Variants in NCOR1 observed in about 807,000 individuals in gnomAD.
NCOR1 encodes the protein nuclear receptor corepressor 1, also known as protein phosphatase 1, regulatory subunit 109.
In NCOR1, 63 loss-of-function variants were observed where a neutral mutation model predicts 288.1. The observed-to-expected ratio is 0.22, with a 90% CI of 0.18 to 0.27. NCOR1 has a LOEUF of 0.27. Among genes scored for constraint, NCOR1 ranks in the 10% least tolerant of loss-of-function variants. The pLI, the probability that NCOR1 is intolerant of heterozygous loss-of-function variation, is 1.00. For missense variants in NCOR1, 2,397 were observed against 3,019.2 expected (o/e 0.79, Z 4.83); for synonymous variants, 1,007 against 1,065.9 (o/e 0.94, Z 1.08).
At chr17:16,040,681 T>C (rs760975175) in intron 42 of NCOR1, 187 bp from the exon 43 acceptor site, 1 of 623,558 alleles carries the variant, frequency 1.6e-6, no homozygotes, top group South Asian at 1.6e-5. Flanking sequence ...CTCACTCTGT[T>C]GCCCAGGCTA....
At chr17:16,036,732 G>A (rs1298231235) in intron 44 of NCOR1, among the ~76,000 whole-genome samples, 1 of 152,204 alleles carries the variant, frequency 6.6e-6, no homozygotes. Context: ...TCAGAGAATT[G>A]AAGAGTTAGG....
intron 41 of NCOR1, 79 bp from the exon 42 acceptor site, chr17:16,047,172 C>T: frequency 3.5e-6 from 5 of 1,427,666 alleles, no homozygotes; most frequent in Non-Finnish European, 3.8e-6. Flanking sequence ...TAACAACAGT[C>T]AGAGAGTACT....
intron 16 of NCOR1, 69 bp from the exon 17 acceptor site, chr17:16,119,554 ATAAT>A: frequency 1.9e-6 from 2 of 1,040,482 alleles, no homozygotes; most frequent in Non-Finnish European, 2.9e-6. Context: ...AACCAATCAT[ATAAT>A]TATATCTCTT....
At chr17:16,117,831 C>A in intron 18 of NCOR1, 57 bp downstream of exon 18, 1 of 1,559,760 alleles carries the variant, frequency 6.4e-7, no homozygotes, top group Non-Finnish European at 8.7e-7. Flanking sequence ...CAAACAACAA[C>A]AACAACACTC....
rs2065256225 is a variant in NCOR1 at position 16,092,070 on chromosome 17, A to T, written c.2821-12T>A. 1 of 1,610,844 alleles carries T rather than the reference A, an allele frequency of 6.2e-7. No individual in the cohort carries two copies. Among genetic ancestry groups the T allele is most frequent in the Admixed American group, 1.7e-5 (1 of 60,004 alleles). On this transcript the variant is annotated splice_polypyrimidine_tract_variant and intron_variant, in intron 21 of 45. Transcript: ENST00000268712. ...GGGGTGCAGGATACCTATAGGAAGA[A>T]AATAAATCGAAATATGCAAACAACC...
At chr17:16,145,878 G>C (rs931724938) in intron 10 of NCOR1, among the ~76,000 whole-genome samples, 2 of 152,228 alleles carry the variant, frequency 1.3e-5, no homozygotes, top group Non-Finnish European at 1.5e-5. Context: ...GGCGAGAGTA[G>C]AGGGAGATCA....
rs1442475261 is a variant in NCOR1, at chr17:16,101,654, A to T, written c.2286T>A (p.Ser762Arg). 1 of 1,614,186 alleles carries T rather than the reference A, an allele frequency of 6.2e-7. No individual in the cohort carries two copies. The highest frequency in any genetic ancestry group is 2.2e-5 in the East Asian group (1 of 44,876). ...ELEPTTETAP[S>R]TSPSLAVPST... ...TTGGAACTGCTAAGGAGGGAGATGT[A>T]CTGGGTGCAGTTTCCGTGGTGGGCT... The change falls in exon 20 of 46, where the codon AGT becomes AGA. Residue 762 changes from serine (S) to arginine (R), a missense_variant. Ser to Arg is a moderately radical substitution (Grantham distance 110). Transcript: ENST00000268712.
chr17:16,048,844 C>CCT lies in NCOR1; in HGVS notation c.6535_6536dup (p.Asn2180GlyfsTer10). 1 of 1,606,750 alleles carries CCT rather than the reference C, an allele frequency of 6.2e-7. No homozygotes were observed. Reference sequence around the variant, plus strand: ...TTGCTGTCACTAGGAAGCACACTTACCTCTGCTCTGCAGGCTCTGCGCCCC... The same window carrying CCT: ...TTGCTGTCACTAGGAAGCACACTTACCTCTCTGCTCTGCAGGCTCTGCGCCCC... On this transcript the variant is annotated frameshift_variant and splice_region_variant. Coordinates refer to ENST00000268712, the MANE Select transcript of NCOR1 (RefSeq NM_006311.4). LOFTEE classifies it high-confidence loss of function.
At chr17:16,119,910 T>C (rs1441137054) in intron 16 of NCOR1, among the ~76,000 whole-genome samples, 1 of 152,130 alleles carries the variant, frequency 6.6e-6, no homozygotes, top group Non-Finnish European at 1.5e-5. Flanking sequence ...GCCCCTTTAG[T>C]TCATCCCCGA....
At chr17:16,106,854 CATATATATATATATAT>C (rs1162344281) in intron 19 of NCOR1, among the ~76,000 whole-genome samples, 7 of 46,156 alleles carry the variant, frequency 1.5e-4, no homozygotes, top group Non-Finnish European at 2.4e-4. Context: ...CTTGATCAGA[CATATATATATATATAT>C]ATATATATAT....
rs889608708 is a variant in NCOR1 at position 16,032,257 on chromosome 17, A to T, written c.*39T>A. 3 of 1,526,952 alleles carry T rather than the reference A, an allele frequency of 2.0e-6. No individual in the cohort carries two copies. The highest frequency in any genetic ancestry group is 2.6e-6 in the Non-Finnish European group (3 of 1,145,962). 94.6% of individuals were successfully genotyped at this position (1,526,952 alleles called of 1,614,324 possible). A position where few individuals can be genotyped will look rare whatever the true frequency, so the allele number is the denominator to read the frequency against. On this transcript the variant is annotated 3_prime_UTR_variant, in exon 46 of 46. Coordinates refer to ENST00000268712, the MANE Select transcript of NCOR1 (RefSeq NM_006311.4). The stretch of plus-strand genomic sequence containing the variant: ...AAAAATTAAACCACAAAAACTAGAG[A>T]TCCCTCTCCTGCACCCTGTTCCCCT...
At chr17:16,042,396 T>C (rs1597721667) in intron 42 of NCOR1, among the ~76,000 whole-genome samples, 1 of 152,268 alleles carries the variant, frequency 6.6e-6, no homozygotes. Flanking sequence ...CAATTTCCTA[T>C]AAGTTAACCA....
In NCOR1 at chr17:16,180,447, C is replaced by T. The variant is rs577296288; in HGVS notation, c.242+6107G>A. 3.2e-4 allele frequency among the ~76,000 whole-genome samples: 48 copies of T among 152,272 alleles called. No homozygotes were observed. In the South Asian group the frequency reaches 9.9e-3, roughly 32 times the overall value. On this transcript the variant is annotated intron_variant, in intron 3 of 45. Transcript: ENST00000268712. The stretch of plus-strand genomic sequence containing the variant: ...GTTGTATACTCAAAAGGAATGAAAT[C>T]ACCACCTCATAAAGATATCTGGGGT...
chr17:16,067,415 G>C (rs1598127685), intron 32 of NCOR1, among the ~76,000 whole-genome samples: 1 of 152,206 alleles, frequency 6.6e-6, no homozygotes, highest in African/African-American at 2.4e-5. Flanking sequence ...GAAGGATTCT[G>C]TATTTAGATT....
chr17:16,184,161 A>G (rs1333803159), intron 3 of NCOR1, among the ~76,000 whole-genome samples: 1 of 152,232 alleles, frequency 6.6e-6, no homozygotes, highest in East Asian at 1.9e-4. Flanking sequence ...GCTCTGGGAC[A>G]CCGACCTTGG....
chr17:16,134,747 T>A lies in NCOR1; in HGVS notation c.1509+2564A>T, dbSNP rs1474241938. On this transcript the variant is annotated intron_variant, in intron 14 of 45. Coordinates refer to ENST00000268712, the MANE Select transcript of NCOR1 (RefSeq NM_006311.4). Reference sequence around the variant, plus strand: ...CTGGCAAAGGTTAAGGTACACTGTATAAGTATCACCTTATCTCTTACGTTA... The same window carrying A: ...CTGGCAAAGGTTAAGGTACACTGTAAAAGTATCACCTTATCTCTTACGTTA... Among the ~76,000 whole-genome samples the A allele has an allele frequency of 4.0e-4, 61 of 152,244 alleles. 1 individual carries two copies. The highest frequency in any genetic ancestry group is 4.0e-3 in the Admixed American group (61 of 15,286).
At chr17:16,193,759 G>C (rs965994821) in intron 2 of NCOR1, among the ~76,000 whole-genome samples, 1 of 152,068 alleles carries the variant, frequency 6.6e-6, no homozygotes, top group African/African-American at 2.4e-5. Context: ...CCCTACACAG[G>C]AACAACGTAA....
chr17:16,051,156 C>T (rs1251918830), intron 40 of NCOR1, among the ~76,000 whole-genome samples: 7 of 152,058 alleles, frequency 4.6e-5, no homozygotes, highest in Admixed American at 4.6e-4. Context: ...TTAATTTTGT[C>T]CATTTTGCCT....
At chr17:16,071,385 CA>C (rs756034178) in intron 30 of NCOR1, 23 bp downstream of exon 30, 1 of 1,599,282 alleles carries the variant, frequency 6.3e-7, no homozygotes. Flanking sequence ...CAGTTACTGA[CA>C]AAAAGAGCCA....
Sources: gnomAD v4.1 joint callset for allele counts (sites outside exome capture counted in the v4.1 genomes callset) on GRCh38, gnomAD v4.1.1 for gene constraint, MANE v1.5 for transcripts, NCBI Gene and HGNC (gene_info 2026-07-23, HGNC 2026-07-21) for gene names.